SLIT2: variants seen among roughly 807,000 people sequenced by gnomAD.
SLIT2 encodes slit homolog 2 protein.
Under a neutral mutation model 185.7 loss-of-function variants are expected in SLIT2, and 41 were observed. That is an observed-to-expected ratio of 0.22 (90% confidence interval 0.17 to 0.29). SLIT2 has a LOEUF of 0.29. Ranked by LOEUF, SLIT2 falls within the 10% of genes least tolerant of loss-of-function variation. The probability of loss-of-function intolerance (pLI) is 1.00; values close to 1 mark genes in which losing one functional copy is unlikely to be tolerated. For synonymous variants in SLIT2, 693 were observed against 680.2 expected, an observed-to-expected ratio of 1.02 and a Z score of -0.29; for missense variants, 1,571 against 1,909.0, an observed-to-expected ratio of 0.82 and a Z score of 3.30.
At chr4:20,425,225 T>C (rs1162009054) in intron 4 of SLIT2, among the ~76,000 whole-genome samples, 1 of 152,208 alleles carries the variant, frequency 6.6e-6, no homozygotes, top group Non-Finnish European at 1.5e-5. Context: ...TTTAATTTTT[T>C]CACAAAGTTT....
At position 20,271,753 on chromosome 4, in the gene SLIT2, C is replaced by T. The variant is rs555668831; in HGVS notation, c.395+2872C>T. ...GTTTATACACTGAAGTTTGATTTTT[C>T]GCATTGTTTGCTTAGATTAAAGCTA... On this transcript the variant is annotated intron_variant, in intron 4 of 36. Coordinates refer to ENST00000504154, the MANE Select transcript of SLIT2 (RefSeq NM_004787.4). Among the ~76,000 whole-genome samples, 88 of 151,874 alleles carry T rather than the reference C, an allele frequency of 5.8e-4. 2 individuals are homozygous for T. Among genetic ancestry groups the T allele is most frequent in the Middle Eastern group, 6.8e-3 (2 of 294 alleles).
chr4:20,313,790 C>G (rs1031358392), intron 4 of SLIT2, among the ~76,000 whole-genome samples: 1 of 152,002 alleles, frequency 6.6e-6, no homozygotes, highest in East Asian at 1.9e-4. Context: ...CCTCCTATGA[C>G]GATCTTACGC....
rs1721452583 is a variant in SLIT2 at position 20,528,057 on chromosome 4, T to C, written c.1463-892T>C. On this transcript the variant is annotated intron_variant, in intron 15 of 36. Transcript: ENST00000504154. The surrounding 1 kb of genome is among the most constrained non-coding windows in gnomAD (Gnocchi z 4.2). ...TTCCCGAAAGCTGTTGTTTCCATTCTGCAGTTCTGAGGAATGGTGGAGGCA... is the reference window on the plus strand; with the variant it reads ...TTCCCGAAAGCTGTTGTTTCCATTCCGCAGTTCTGAGGAATGGTGGAGGCA... Among the ~76,000 whole-genome samples, 1 of 152,202 alleles carries C rather than the reference T, an allele frequency of 6.6e-6. No homozygotes were observed. Among genetic ancestry groups the C allele is most frequent in the Non-Finnish European group, 1.5e-5 (1 of 68,032 alleles).
chr4:20,491,945 C>T, intron 9 of SLIT2, 46 bp downstream of exon 9: 1 of 1,585,338 alleles, frequency 6.3e-7, no homozygotes, highest in Non-Finnish European at 8.6e-7. Context: ...TCCCGGTGAA[C>T]CAAACTTTGA....
chr4:20,282,903 G>T (rs1316259013), intron 4 of SLIT2, among the ~76,000 whole-genome samples: 1 of 152,020 alleles, frequency 6.6e-6, no homozygotes, highest in South Asian at 2.1e-4. Context: ...TATTTTTTTT[G>T]TGCCAGCGTT....
chr4:20,616,276 G>A (rs1156727415), intron 34 of SLIT2: 3 of 152,220 alleles, frequency 2.0e-5, no homozygotes, highest in Non-Finnish European at 4.4e-5. Context: ...AACTTCGAAT[G>A]TGGGAGGGCT....
chr4:20,582,792 CCAA>C (rs575269808), intron 29 of SLIT2, among the ~76,000 whole-genome samples: 73 of 152,270 alleles, frequency 4.8e-4, no homozygotes, highest in African/African-American at 1.6e-3. Flanking sequence ...GTCCAAATTA[CCAA>C]CATCACTACT....
At chr4:20,311,739 C>A (rs1718125148) in intron 4 of SLIT2, among the ~76,000 whole-genome samples, 1 of 151,946 alleles carries the variant, frequency 6.6e-6, no homozygotes, top group Admixed American at 6.6e-5. Flanking sequence ...GAATATTGAG[C>A]CTTTATTGTT....
At position 20,528,163 on chromosome 4, in the gene SLIT2, G is replaced by T; in HGVS notation, c.1463-786G>T. The T allele has an allele frequency of 2.1e-6, 1 of 477,974 alleles. No homozygotes were observed. The highest frequency in any genetic ancestry group is 5.9e-5 in the East Asian group (1 of 16,822). 29.6% of individuals were successfully genotyped at this position (477,974 alleles called of 1,614,324 possible). A position where few individuals can be genotyped will look rare whatever the true frequency, so the allele number is the denominator to read the frequency against. On this transcript the variant is annotated intron_variant, in intron 15 of 36. Transcript: ENST00000504154. The surrounding 1 kb of genome is among the most constrained non-coding windows in gnomAD (Gnocchi z 4.2). The stretch of plus-strand genomic sequence containing the variant: ...CTTACTGTGGTCATAAACATTCTGC[G>T]GGAAGAATGCATGTCATGTAAACAG...
intron 33 of SLIT2, among the ~76,000 whole-genome samples, chr4:20,602,295 C>T (rs1032255574): frequency 6.6e-6 from 1 of 152,142 alleles, no homozygotes. Context: ...AACCAGACAG[C>T]CTCTTTGAAA....
At chr4:20,477,088 C>A (rs115462798) in intron 5 of SLIT2, among the ~76,000 whole-genome samples, 1 of 150,068 alleles carries the variant, frequency 6.7e-6, no homozygotes, top group Non-Finnish European at 1.5e-5. Context: ...AATTTACCAG[C>A]GCTGGTAAAA....
chr4:20,513,398 G>A (rs563455433), intron 11 of SLIT2, among the ~76,000 whole-genome samples: 3 of 152,298 alleles, frequency 2.0e-5, no homozygotes, highest in South Asian at 2.1e-4. Flanking sequence ...TCCTGGTCAC[G>A]TTCACAGTTT....
rs1391668731 is a variant in SLIT2 at position 20,528,888 on chromosome 4, AACTAATAAATTTTCTAACCTTTAG to A, written c.1463-57_1463-34del. 2.2e-6 allele frequency: 3 copies of A among 1,380,348 alleles called. No individual in the cohort carries two copies. In the African/African-American group the frequency reaches 4.3e-5, roughly 20 times the overall value. The allele number at this position is 1,380,348 out of a possible 1,614,324, so 85.5% of individuals were successfully genotyped here. The stretch of plus-strand genomic sequence containing the variant: ...GTTATCTTACTTTTTTCTTCCTACA[AACTAATAAATTTTCTAACCTTTAG>A]ACTCAGTATCTTTTTTTTGGTTTGA... On this transcript the variant is annotated intron_variant, in intron 15 of 36. Coordinates refer to ENST00000504154, the MANE Select transcript of SLIT2 (RefSeq NM_004787.4). This position sits in a 1 kb window ranked among gnomAD's most constrained non-coding sequence, Gnocchi z 4.2.
chr4:20,590,399 T>C (rs1312034214), intron 30 of SLIT2, among the ~76,000 whole-genome samples: 1 of 152,146 alleles, frequency 6.6e-6, no homozygotes, highest in Admixed American at 6.5e-5. Context: ...TGTGGTAAAA[T>C]AGAGAATTTG....
At chr4:20,616,405 G>C (rs1048337810) in intron 34 of SLIT2, 11 of 152,400 alleles carry the variant, frequency 7.2e-5, no homozygotes, top group African/African-American at 2.4e-4. Context: ...AACTCACTGG[G>C]TCACCTTGAG....
At chr4:20,476,270 C>T (rs1477155191) in intron 5 of SLIT2, among the ~76,000 whole-genome samples, 2 of 152,068 alleles carry the variant, frequency 1.3e-5, no homozygotes, top group East Asian at 1.9e-4. Context: ...AGACCACGCT[C>T]ATATATGTAC....
chr4:20,403,385 T>C (rs1726509093), intron 4 of SLIT2, among the ~76,000 whole-genome samples: 1 of 151,976 alleles, frequency 6.6e-6, no homozygotes, highest in South Asian at 2.1e-4. Flanking sequence ...CAAGAGGCCA[T>C]TGAATTTCAC....
At chr4:20,255,512 C>G (rs10440274) in intron 1 of SLIT2, among the ~76,000 whole-genome samples, 9,744 of 152,144 alleles carry the variant, frequency 0.064, 588 homozygotes, top group African/African-American at 0.17. Context: ...TTAGGAACAA[C>G]TGAATGGTAC....
chr4:20,547,435 G>A (rs1723347064), intron 22 of SLIT2, among the ~76,000 whole-genome samples: 1 of 151,946 alleles, frequency 6.6e-6, no homozygotes, highest in South Asian at 2.1e-4. Context: ...AGTTACTTCT[G>A]CTAATACAGA....
Sources: allele counts gnomAD v4.1 joint callset (sites outside exome capture counted in the v4.1 genomes callset), GRCh38; gene constraint gnomAD v4.1.1; non-coding constraint Gnocchi (gnomAD v3.1); transcripts MANE v1.5; gene names NCBI Gene and HGNC (gene_info 2026-07-23, HGNC 2026-07-21).